The following BCL11A variants were observed in gnomAD, a reference collection of about 807,000 sequenced individuals.
BCL11A encodes BCL11 transcription factor A.
In BCL11A, 2 loss-of-function variants were observed where a neutral mutation model predicts 55.9. The observed-to-expected ratio is 0.04, with a 90% CI of 0.01 to 0.11. The LOEUF is 0.11. Ranked by LOEUF, BCL11A falls within the 10% of genes least tolerant of loss-of-function variation. The pLI, the probability that BCL11A is intolerant of heterozygous loss-of-function variation, is 1.00. For synonymous variants in BCL11A, 465 were observed against 473.4 expected (o/e 0.98, Z 0.23); for missense variants, 817 against 1,137.1 (o/e 0.72, Z 4.05).
chr2:60,524,033 TGA>T (rs748226967), intron 2 of BCL11A, among the ~76,000 whole-genome samples: 1 of 152,232 alleles, frequency 6.6e-6, no homozygotes, highest in African/African-American at 2.4e-5. Context: ...CTTTATTGTT[TGA>T]GAGACTCCGG....
intron 2 of BCL11A, among the ~76,000 whole-genome samples, chr2:60,518,572 A>G (rs1405438295): frequency 1.3e-5 from 2 of 152,194 alleles, no homozygotes; most frequent in South Asian, 2.1e-4. Context: ...ACGCAAAGGC[A>G]TGGGGGGACA....
At chr2:60,520,442 G>A (rs1668926743) in intron 2 of BCL11A, among the ~76,000 whole-genome samples, 2 of 152,050 alleles carry the variant, frequency 1.3e-5, no homozygotes, top group South Asian at 4.1e-4. Context: ...GAAATCAAGT[G>A]CCACCAAATT....
chr2:60,452,169 C>T (rs1675751903), exon 5 of BCL11A: 5 of 231,518 alleles, frequency 2.2e-5, no homozygotes, highest in African/African-American at 8.9e-5. Context: ...AAAGCTCCAA[C>T]ATTTATTGTG....
At chr2:60,489,144 T>C (rs1678468853) in intron 2 of BCL11A, among the ~76,000 whole-genome samples, 1 of 152,230 alleles carries the variant, frequency 6.6e-6, no homozygotes. Flanking sequence ...AAAGGGTACC[T>C]TAGACCCCAA....
At chr2:60,503,780 C>A (rs895868624) in intron 2 of BCL11A, among the ~76,000 whole-genome samples, 2 of 152,146 alleles carry the variant, frequency 1.3e-5, no homozygotes, top group African/African-American at 4.8e-5. Context: ...AAGATGCAAC[C>A]CTAAAGCCCA....
chr2:60,498,944 G>A (rs1399948457), intron 2 of BCL11A, among the ~76,000 whole-genome samples: 1 of 151,488 alleles, frequency 6.6e-6, no homozygotes, highest in African/African-American at 2.4e-5. Context: ...CAGGAAGCAG[G>A]TGGTGGTGGT....
At chr2:60,493,417 C>T (rs1174452269) in intron 2 of BCL11A, among the ~76,000 whole-genome samples, 4 of 152,140 alleles carry the variant, frequency 2.6e-5, no homozygotes, top group South Asian at 2.1e-4. Context: ...CTGCCCCCCT[C>T]CCACCCCATT....
intron 2 of BCL11A, among the ~76,000 whole-genome samples, chr2:60,491,130 G>A (rs956329582): frequency 1.3e-5 from 2 of 152,156 alleles, no homozygotes; most frequent in Non-Finnish European, 2.9e-5. Flanking sequence ...TTCTATATGT[G>A]AAGCCCAACT....
chr2:60,454,598 G>C (rs1025107130), downstream of BCL11A, among the ~76,000 whole-genome samples: 2 of 152,090 alleles, frequency 1.3e-5, no homozygotes, highest in Non-Finnish European at 2.9e-5. Context: ...GTACGGAGGG[G>C]GAAAAGAGGC....
chr2:60,504,789 T>A (rs955491718), intron 2 of BCL11A, among the ~76,000 whole-genome samples: 1 of 152,196 alleles, frequency 6.6e-6, no homozygotes, highest in African/African-American at 2.4e-5. Context: ...ATCAGGTACA[T>A]ATCTGTCCCT....
At chr2:60,467,138 TTGG>T (rs1676688985) in intron 3 of BCL11A, among the ~76,000 whole-genome samples, 2 of 61,810 alleles carry the variant, frequency 3.2e-5, no homozygotes, top group Non-Finnish European at 3.4e-5. Context: ...GATGGTGGTG[TTGG>T]TGGTGATGGT....
At chr2:60,466,741 C>G (rs768708698) in intron 3 of BCL11A, among the ~76,000 whole-genome samples, 1 of 152,168 alleles carries the variant, frequency 6.6e-6, no homozygotes, top group Admixed American at 6.5e-5. Flanking sequence ...TGGCATCTTG[C>G]TCTTTGTTAT....
At chr2:60,493,818 T>C (rs1198885073) in intron 2 of BCL11A, among the ~76,000 whole-genome samples, 4 of 152,232 alleles carry the variant, frequency 2.6e-5, no homozygotes, top group Non-Finnish European at 4.4e-5. Flanking sequence ...AAAGCTTCAG[T>C]GCAGGAAATT....
In BCL11A at chr2:60,492,478, T is replaced by C. The variant is rs371776742; in HGVS notation, c.386-23645A>G. Among the ~76,000 whole-genome samples the C allele has an allele frequency of 2.0e-5, 3 of 152,338 alleles. No individual in the cohort carries two copies. The East Asian group carries it at 5.8e-4, about 29-fold the overall frequency. On this transcript the variant is annotated intron_variant, in intron 2 of 3. Coordinates refer to ENST00000642384, the MANE Select transcript of BCL11A (RefSeq NM_022893.4). ...TGGGTACTCCCTCCCCTTTTTACTT[T>C]TTGAAGCCTGCTGGAATTCTAGGAA...
intron 2 of BCL11A, among the ~76,000 whole-genome samples, chr2:60,504,964 G>A (rs115656491): frequency 0.012 from 1,765 of 152,226 alleles, 29 homozygotes; most frequent in African/African-American, 0.04. Context: ...CTGTGGAAGC[G>A]TGGGGTGGAC....
At chr2:60,542,940 G>A (rs1238924314) in intron 2 of BCL11A, 1 of 148,450 alleles carries the variant, frequency 6.7e-6, no homozygotes, top group East Asian at 2.0e-4. Context: ...TGAGGCAGGA[G>A]AATCGCTTGA....
chr2:60,452,351 TGTTCC>T, downstream of BCL11A: 2 of 480,606 alleles, frequency 4.2e-6, no homozygotes, highest in Non-Finnish European at 7.5e-6. Flanking sequence ...ACTGATTCAC[TGTTCC>T]AATGTGGGTC....
intron 2 of BCL11A, among the ~76,000 whole-genome samples, chr2:60,469,498 G>A (rs911902159): frequency 1.3e-5 from 2 of 152,192 alleles, no homozygotes; most frequent in African/African-American, 4.8e-5. Context: ...AGCAATGGAA[G>A]ATAAAGATTA....
chr2:60,505,039 C>A (rs1679501026), intron 2 of BCL11A, among the ~76,000 whole-genome samples: 5 of 152,194 alleles, frequency 3.3e-5, no homozygotes. Flanking sequence ...TGAGACCAGA[C>A]CTGCCATTTA....
Sources: gnomAD v4.1 joint callset for allele counts (sites outside exome capture counted in the v4.1 genomes callset) on GRCh38, gnomAD v4.1.1 for gene constraint, MANE v1.5 for transcripts, NCBI Gene and HGNC (gene_info 2026-07-23, HGNC 2026-07-21) for gene names.